COG5: variants seen among roughly 807,000 people sequenced by gnomAD.
The protein encoded by COG5 is conserved oligomeric Golgi complex subunit 5.
COG5 carries 86 observed loss-of-function variants against 110.4 expected under a neutral mutation model. The ratio of observed to expected loss-of-function variants is 0.78; its 90% CI spans 0.65 to 0.93. The LOEUF (loss-of-function observed/expected upper bound fraction) is 0.93. Ranked by LOEUF, COG5 falls within the 40% of genes least tolerant of loss-of-function variation. COG5 has a pLI of 0.00. For synonymous variants in COG5, 360 were observed against 334.6 expected (o/e 1.08, Z -0.83); for missense variants, 1,077 against 987.0 (o/e 1.09, Z -1.22).
chr7:107,240,807 C>T (rs1562928831), intron 17 of COG5, among the ~76,000 whole-genome samples: 1 of 152,100 alleles, frequency 6.6e-6, no homozygotes, highest in Non-Finnish European at 1.5e-5. Flanking sequence ...AGGAAAATTA[C>T]TGCCATGGGG....
intron 6 of COG5, among the ~76,000 whole-genome samples, chr7:107,460,970 A>G (rs916443365): frequency 2.0e-5 from 3 of 152,108 alleles, no homozygotes; most frequent in South Asian, 2.1e-4. Context: ...TTTGAACAAC[A>G]TAAAACTTCT....
At chr7:107,254,675 A>C (rs1416543867) in intron 16 of COG5, among the ~76,000 whole-genome samples, 3 of 152,110 alleles carry the variant, frequency 2.0e-5, no homozygotes, top group African/African-American at 7.2e-5. Flanking sequence ...CCCTGCACTG[A>C]CTCCAGCTAA....
chr7:107,282,091 G>T (rs1805217851), intron 13 of COG5, among the ~76,000 whole-genome samples: 1 of 151,796 alleles, frequency 6.6e-6, no homozygotes, highest in Non-Finnish European at 1.5e-5. Flanking sequence ...TATACAGATG[G>T]AAAGCAAGAA....
chr7:107,434,805 C>G (rs1488722174), intron 6 of COG5, among the ~76,000 whole-genome samples: 1 of 151,874 alleles, frequency 6.6e-6, no homozygotes, highest in African/African-American at 2.4e-5. Context: ...CCTGTCTCTA[C>G]TAAAAATACA....
At chr7:107,413,505 A>G (rs1279842068) in intron 6 of COG5, among the ~76,000 whole-genome samples, 1 of 151,732 alleles carries the variant, frequency 6.6e-6, no homozygotes. Flanking sequence ...GCTTTTCAGT[A>G]AGAGACATGT....
chr7:107,280,552 A>C (rs1186168497), intron 14 of COG5, among the ~76,000 whole-genome samples: 3 of 152,040 alleles, frequency 2.0e-5, no homozygotes, highest in East Asian at 3.9e-4. Flanking sequence ...AACATTCTAA[A>C]GATAGTGGAG....
chr7:107,302,716 T>C (rs985742471), intron 11 of COG5, among the ~76,000 whole-genome samples: 1 of 152,162 alleles, frequency 6.6e-6, no homozygotes, highest in Non-Finnish European at 1.5e-5. Context: ...TCTTGAGAGA[T>C]ATGGTAACAT....
At chr7:107,374,976 C>T (rs1814505925) in intron 7 of COG5, among the ~76,000 whole-genome samples, 1 of 151,972 alleles carries the variant, frequency 6.6e-6, no homozygotes, top group Admixed American at 6.6e-5. Flanking sequence ...TTAACTATCA[C>T]CTAGATCATG....
At chr7:107,363,515 A>G (rs574519445) in intron 8 of COG5, among the ~76,000 whole-genome samples, 33 of 152,342 alleles carry the variant, frequency 2.2e-4, no homozygotes, top group African/African-American at 7.9e-4. Context: ...TCAAATGTTT[A>G]AAAAGGATGG....
chr7:107,247,052 G>T (rs1802111399), intron 17 of COG5, among the ~76,000 whole-genome samples: 1 of 152,146 alleles, frequency 6.6e-6, no homozygotes, highest in East Asian at 1.9e-4. Context: ...AAAATAACAA[G>T]ATCATGTCTT....
Position 107,415,739 on chromosome 7 carries a change from A to ACACACAC in COG5, c.539-3108_539-3107insGTGTGTG, listed in dbSNP as rs1398049965. ...GAATGTATATATGTATATGTATATA[A>ACACACAC]ATACATGTATGTATATATGTATGTG... On this transcript the variant is annotated intron_variant, in intron 6 of 21. Coordinates refer to ENST00000297135, the MANE Select transcript of COG5 (RefSeq NM_006348.5). 1.5e-3 allele frequency among the ~76,000 whole-genome samples: 224 copies of ACACACAC among 148,796 alleles called. 1 individual carries two copies. The highest frequency in any genetic ancestry group is 5.4e-3 in the African/African-American group (217 of 40,532).
chr7:107,306,035 T>A (rs1456282080), intron 11 of COG5, among the ~76,000 whole-genome samples: 1 of 152,118 alleles, frequency 6.6e-6, no homozygotes, highest in Non-Finnish European at 1.5e-5. Flanking sequence ...TATATCATAT[T>A]TCATTCACAT....
rs1798415517 is a variant in COG5 at position 107,202,602 on chromosome 7, C to G, written c.*914G>C. On this transcript the variant is annotated 3_prime_UTR_variant, in exon 22 of 22. Transcript: ENST00000297135. ...TTATGAGTTCTCAGAATAACAGGTT[C>G]AGGAGATGAGATGGAAAACATAAGG... The G allele has an allele frequency of 6.6e-6, 1 of 152,300 alleles. No individual in the cohort carries two copies. Among genetic ancestry groups the G allele is most frequent in the African/African-American group, 2.4e-5 (1 of 41,388 alleles). 9.4% of individuals were successfully genotyped at this position (152,300 alleles called of 1,614,324 possible). A position where few individuals can be genotyped will look rare whatever the true frequency, so the allele number is the denominator to read the frequency against.
At chr7:107,348,474 C>T (rs1296502198) in intron 10 of COG5, among the ~76,000 whole-genome samples, 1 of 152,160 alleles carries the variant, frequency 6.6e-6, no homozygotes, top group Non-Finnish European at 1.5e-5. Flanking sequence ...TCTTTAAAGG[C>T]TACAGGACTG....
chr7:107,537,537 A>C (rs1160971106), intron 5 of COG5, among the ~76,000 whole-genome samples: 2 of 152,124 alleles, frequency 1.3e-5, no homozygotes, highest in Non-Finnish European at 2.9e-5. Flanking sequence ...GGAGCTGAAC[A>C]ATGAATACAT....
intron 10 of COG5, among the ~76,000 whole-genome samples, chr7:107,347,416 T>C (rs1228715725): frequency 2.0e-5 from 3 of 152,200 alleles, no homozygotes; most frequent in African/African-American, 7.2e-5. Context: ...AATAGAATTA[T>C]AGGCATTCAT....
intron 14 of COG5, among the ~76,000 whole-genome samples, chr7:107,278,659 C>T (rs866285558): frequency 7.9e-5 from 12 of 152,234 alleles, no homozygotes; most frequent in Middle Eastern, 6.8e-3. Context: ...TGATCTTTCA[C>T]AAACCTGACA....
At chr7:107,481,044 A>C (rs1797309928) in intron 6 of COG5, 1 of 152,176 alleles carries the variant, frequency 6.6e-6, no homozygotes, top group Non-Finnish European at 1.5e-5. Flanking sequence ...TGCACCAGCA[A>C]GTGGTAAAAT....
intron 5 of COG5, among the ~76,000 whole-genome samples, chr7:107,533,700 C>T (rs1279544489): frequency 1.3e-5 from 2 of 151,426 alleles, no homozygotes; most frequent in Admixed American, 6.6e-5. Flanking sequence ...TTGCTGTACC[C>T]GAAAGCGATG....
Sources: allele counts gnomAD v4.1 joint callset (sites outside exome capture counted in the v4.1 genomes callset), GRCh38; gene constraint gnomAD v4.1.1; transcripts MANE v1.5; gene names NCBI Gene and HGNC (gene_info 2026-07-23, HGNC 2026-07-21).